Variants in CPLANE1 observed in about 807,000 individuals in gnomAD.
CPLANE1 encodes ciliogenesis and planar polarity effector 1.
Under a neutral mutation model 362.5 loss-of-function variants are expected in CPLANE1, and 263 were observed. The observed-to-expected ratio is 0.73, with a 90% confidence interval of 0.66 to 0.80. CPLANE1 has a LOEUF of 0.80. CPLANE1 is among the 30% of genes least tolerant of loss of function. The pLI is 0.00. For missense variants in CPLANE1, 3,461 were observed against 3,793.4 expected (o/e 0.91, Z 2.30); for synonymous variants, 1,212 against 1,302.6 (o/e 0.93, Z 1.50).
In CPLANE1 at chr5:37,243,512, C is replaced by G. The variant is rs187737398; in HGVS notation, c.571-393G>C. ...GTGGTTTGGATAATAAAATGCTGGT[C>G]CACACATACGAAGAATACCAAGCAG... is the stretch of plus-strand genomic sequence containing the variant. On this transcript the variant is annotated intron_variant, in intron 5 of 52. Coordinates refer to ENST00000651892, the MANE Select transcript of CPLANE1 (RefSeq NM_001384732.1). 3.4e-3 allele frequency among the ~76,000 whole-genome samples: 517 copies of G among 151,630 alleles called. 2 individuals are homozygous for G. The highest frequency in any genetic ancestry group is 0.012 in the African/African-American group (497 of 41,384).
chr5:37,085,900 A>T, the CPLANE1 span: 1 of 812,356 alleles, frequency 1.2e-6, no homozygotes. Flanking sequence ...ATTAAAAATA[A>T]TGTGGCAGGA....
At chr5:37,206,115 AAATGTAAATACC>A in intron 17 of CPLANE1, 70 bp downstream of exon 17, 1 of 946,374 alleles carries the variant, frequency 1.1e-6, no homozygotes, top group South Asian at 1.6e-5. Flanking sequence ...ATTCCACATA[AAATGTAAATACC>A]AGCAATAAGA....
intron 46 of CPLANE1, 143 bp from the exon 47 acceptor site, chr5:37,125,552 C>T (rs1041420526): frequency 3.2e-5 from 22 of 686,958 alleles, no homozygotes; most frequent in Non-Finnish European, 4.4e-5. Context: ...AGTCAACTCA[C>T]TCCAATTTGT....
Position 37,107,081 on chromosome 5 carries a change from G to T in CPLANE1, c.*521C>A. 1 of 985,412 alleles carries T rather than the reference G, an allele frequency of 1.0e-6. No homozygotes were observed. The highest frequency in any genetic ancestry group is 4.7e-5 in the South Asian group (1 of 21,290). 61.0% of individuals were successfully genotyped at this position (985,412 alleles called of 1,614,324 possible). A position where few individuals can be genotyped will look rare whatever the true frequency, so the allele number is the denominator to read the frequency against. On this transcript the variant is annotated 3_prime_UTR_variant, in exon 53 of 53. Coordinates refer to ENST00000651892, the MANE Select transcript of CPLANE1 (RefSeq NM_001384732.1). ...GCCTCCATGAAACTTTGCTTATTTAGAGATTCAGGGTTGGTAAAAGGTAGT... is the reference window on the plus strand; with the variant it reads ...GCCTCCATGAAACTTTGCTTATTTATAGATTCAGGGTTGGTAAAAGGTAGT...
chr5:37,124,393 G>A (rs1036976660), intron 47 of CPLANE1, among the ~76,000 whole-genome samples: 1 of 152,026 alleles, frequency 6.6e-6, no homozygotes, highest in African/African-American at 2.4e-5. Flanking sequence ...TGTATTTAGG[G>A]CTCAGTAAAT....
At chr5:37,206,124 T>C (rs910433272) in intron 17 of CPLANE1, 73 bp downstream of exon 17, 5 of 989,178 alleles carry the variant, frequency 5.1e-6, no homozygotes, top group Admixed American at 4.5e-5. Flanking sequence ...AAAATGTAAA[T>C]ACCAGCAATA....
intron 19 of CPLANE1, among the ~76,000 whole-genome samples, chr5:37,200,438 T>C (rs1475918055): frequency 6.6e-6 from 1 of 152,228 alleles, no homozygotes; most frequent in Non-Finnish European, 1.5e-5. Flanking sequence ...AGAGGAAAGA[T>C]GAATTATTGA....
chr5:37,174,032 C>T, intron 31 of CPLANE1, 85 bp from the exon 32 acceptor site: 2 of 1,135,580 alleles, frequency 1.8e-6, no homozygotes, highest in Middle Eastern at 2.5e-4. Flanking sequence ...TATTTTGATC[C>T]CACTTTTGTC....
In CPLANE1 at chr5:37,107,724, C is replaced by A; in HGVS notation, c.9634G>T (p.Val3212Leu). The A allele has an allele frequency of 1.2e-6, 2 of 1,612,134 alleles. No individual in the cohort carries two copies. The highest frequency in any genetic ancestry group is 8.5e-7 in the Non-Finnish European group (1 of 1,179,204). Residue 3212 changes from valine to leucine, a missense_variant, in exon 53 of 53, where the codon GTG becomes TTG. Around this residue, in one of 2 missense-constraint regions of CPLANE1, gnomAD observed 81 missense variants for 127.3 expected, o/e 0.64. Coordinates refer to ENST00000651892, the MANE Select transcript of CPLANE1 (RefSeq NM_001384732.1). ...CCAGTGCTCTCAGACACGCTGTCCA[C>A]ACCGCCCACCCCAAAAGGATGCTCT... ...EPEHPFGVGG[V>L]DSVSESTGSI...
intron 18 of CPLANE1, among the ~76,000 whole-genome samples, chr5:37,203,149 A>C (rs1789690873): frequency 6.6e-6 from 1 of 152,220 alleles, no homozygotes; most frequent in Non-Finnish European, 1.5e-5. Flanking sequence ...ATTGGCTTGT[A>C]ATAACATTTC....
In CPLANE1 at chr5:37,224,701, T is replaced by C. The variant is rs1796062501; in HGVS notation, c.2331A>G (p.Leu777=). The C allele has an allele frequency of 6.4e-7, 1 of 1,551,504 alleles. No individual in the cohort carries two copies. Among genetic ancestry groups the C allele is most frequent in the Non-Finnish European group, 8.7e-7 (1 of 1,146,832 alleles). The change falls in exon 13 of 53, where the codon TTA becomes TTG. Residue 777 remains leucine, a synonymous_variant. Coordinates refer to ENST00000651892, the MANE Select transcript of CPLANE1 (RefSeq NM_001384732.1). The stretch of plus-strand genomic sequence containing the variant: ...TTCGATTTAATTGTGCTTGATACCA[T>C]AAAGTTTTTTTGTACAGTATTCTCC... ...ILWRILYKKT[L]WYQAQLNRRV...
At chr5:37,172,459 C>T (rs1780061518) in intron 32 of CPLANE1, among the ~76,000 whole-genome samples, 1 of 152,128 alleles carries the variant, frequency 6.6e-6, no homozygotes, top group Non-Finnish European at 1.5e-5. Flanking sequence ...TCAGAATTAT[C>T]TGGATAATGT....
intron 15 of CPLANE1, among the ~76,000 whole-genome samples, chr5:37,214,663 A>G (rs1473816761): frequency 6.6e-6 from 1 of 152,230 alleles, no homozygotes; most frequent in Non-Finnish European, 1.5e-5. Flanking sequence ...GAGGAGTTCA[A>G]GTGTTGCAAG....
chr5:37,189,036 A>G lies in CPLANE1; in HGVS notation c.3812-1194T>C, dbSNP rs547528536. ...GGCTAATTTTGTATTTTTAGTAGAGACAGGGTTTCACCATGTTGGCCAGGC... is the reference window on the plus strand; with the variant it reads ...GGCTAATTTTGTATTTTTAGTAGAGGCAGGGTTTCACCATGTTGGCCAGGC... On this transcript the variant is annotated intron_variant, in intron 21 of 52. Transcript: ENST00000651892. 3.2e-3 allele frequency among the ~76,000 whole-genome samples: 492 copies of G among 152,158 alleles called. 3 individuals are homozygous for G. Among genetic ancestry groups the G allele is most frequent in the Non-Finnish European group, 2.5e-3 (170 of 68,008 alleles).
At chr5:37,132,356 T>G (rs1293121191) in intron 46 of CPLANE1, among the ~76,000 whole-genome samples, 12 of 144,076 alleles carry the variant, frequency 8.3e-5, no homozygotes, top group Middle Eastern at 3.5e-3. Flanking sequence ...TTTTTTTTTT[T>G]TTTTTTGAGA....
rs1367504777 is a variant in CPLANE1 at position 37,231,039 on chromosome 5, C to A, written c.949G>T (p.Val317Leu). 2 of 1,526,570 alleles carry A rather than the reference C, an allele frequency of 1.3e-6. No homozygotes were observed. Among genetic ancestry groups the A allele is most frequent in the African/African-American group, 2.8e-5 (2 of 71,534 alleles). 94.6% of individuals were successfully genotyped at this position (1,526,570 alleles called of 1,614,324 possible). The change falls in exon 9 of 53, where the codon GTA becomes TTA. Residue 317 changes from valine to leucine, a missense_variant. By Grantham distance (32) the Val-to-Leu change is conservative. Around this residue, in one of 2 missense-constraint regions of CPLANE1, gnomAD observed 3,380 missense variants for 3,666.1 expected, o/e 0.92. Transcript: ENST00000651892. ...VPATLIRSYW[V>L]GDISWTHDSL... ...TCATGCGTCCAGCTGATATCACCTA[C>A]CCAGTAGGACCTATAATAAATAAGA...
intron 51 of CPLANE1, among the ~76,000 whole-genome samples, chr5:37,112,271 C>A (rs1199045023): frequency 1.3e-5 from 2 of 152,168 alleles, no homozygotes; most frequent in Admixed American, 1.3e-4. Flanking sequence ...TATTACAAAC[C>A]TTGAGAGGCT....
At chr5:37,154,071 A>C in intron 41 of CPLANE1, 78 bp from the exon 42 acceptor site, 1 of 1,291,528 alleles carries the variant, frequency 7.7e-7, no homozygotes. Context: ...TTTTTTGATG[A>C]CTTCATTTTA....
chr5:37,159,776 G>A (rs149434496), intron 38 of CPLANE1, among the ~76,000 whole-genome samples: 23 of 152,214 alleles, frequency 1.5e-4, no homozygotes, highest in East Asian at 1.3e-3. Context: ...TGGTTTAACC[G>A]CTTTTTTAAG....
Sources: gnomAD v4.1 joint callset for allele counts (sites outside exome capture counted in the v4.1 genomes callset) on GRCh38, gnomAD v4.1.1 for gene constraint, gnomAD v4.1.1 regional missense constraint, MANE v1.5 for transcripts, NCBI Gene and HGNC (gene_info 2026-07-23, HGNC 2026-07-21) for gene names.